SMTN: variants seen among roughly 807,000 people sequenced by gnomAD.
SMTN encodes smoothelin.
A neutral mutation model predicts 102.0 loss-of-function variants in SMTN; 58 were observed. That is an observed-to-expected ratio of 0.57 (90% CI 0.46 to 0.71). SMTN has a LOEUF of 0.71. SMTN is among the 30% of genes least tolerant of loss of function. SMTN has a pLI of 0.00. For synonymous variants in SMTN, 478 were observed against 497.9 expected (o/e 0.96, Z 0.53); for missense variants, 1,185 against 1,241.7 (o/e 0.95, Z 0.69).
At chr22:31,088,173 C>A in intron 3 of SMTN, 60 bp downstream of exon 3, 1 of 1,525,454 alleles carries the variant, frequency 6.6e-7, no homozygotes, top group South Asian at 1.3e-5. Context: ...TGGCTCAGCT[C>A]ATGTGTGCAG....
intron 11 of SMTN, chr22:31,093,360 C>T: frequency 2.8e-6 from 1 of 351,444 alleles, no homozygotes; most frequent in Non-Finnish European, 5.5e-6. Flanking sequence ...TGCCCTCGGA[C>T]CAGCTGCAAA....
rs1434186321 is a variant in SMTN, at chr22:31,091,819, C to T, written c.1604C>T (p.Pro535Leu). The T allele has an allele frequency of 3.7e-6, 6 of 1,601,036 alleles. No individual in the cohort carries two copies. The highest frequency in any genetic ancestry group is 2.3e-5 in the East Asian group (1 of 44,088). The change falls in exon 11 of 21, where the codon CCC (proline) becomes CTC (leucine). Residue 535 changes from proline (P) to leucine (L), a missense_variant. This residue lies in a region of SMTN where 1,096 missense variants were observed against 1,112.7 expected (regional missense o/e 0.98). Coordinates refer to ENST00000333137, the MANE Select transcript of SMTN (RefSeq NM_134269.3). ...THVTSFSHAP[P>L]SSRGGCSIKM... ...GTCACCAGCTTCAGCCATGCCCCCC[C>T]CAGTAGCCGAGGAGGCTGCAGCATC...
intron 1 of SMTN, among the ~76,000 whole-genome samples, chr22:31,074,844 G>A (rs907250086): frequency 3.3e-5 from 5 of 152,152 alleles, no homozygotes; most frequent in Non-Finnish European, 7.4e-5. Context: ...CACAGGTGCT[G>A]GAAGAGAGGA....
At chr22:31,088,176 G>A in intron 3 of SMTN, 63 bp downstream of exon 3, 3 of 1,523,668 alleles carry the variant, frequency 2.0e-6, no homozygotes, top group Middle Eastern at 3.5e-4. Context: ...CTCAGCTCAT[G>A]TGTGCAGGCA....
upstream of SMTN, among the ~76,000 whole-genome samples, chr22:31,081,157 T>C (rs933911098): frequency 1.5e-4 from 22 of 150,144 alleles, no homozygotes; most frequent in African/African-American, 5.4e-4. Context: ...CCGACCTCCC[T>C]GGCCCGCGAG....
intron 6 of SMTN, among the ~76,000 whole-genome samples, chr22:31,089,450 A>C (rs1190924016): frequency 6.6e-6 from 1 of 152,112 alleles, no homozygotes; most frequent in African/African-American, 2.4e-5. Flanking sequence ...ATACCCACCC[A>C]CTGACATCAG....
chr22:31,099,151 G>C lies in SMTN; in HGVS notation c.2423G>C (p.Trp808Ser). The C allele has an allele frequency of 6.2e-7, 1 of 1,612,948 alleles. No individual in the cohort carries two copies. The highest frequency in any genetic ancestry group is 1.3e-5 in the African/African-American group (1 of 75,058). ...AGCATCAAGCAGATGCTGCTGGACTGGTGTCGAGCCAAGACTCGCGGCTAC... is the reference window on the plus strand; with the variant it reads ...AGCATCAAGCAGATGCTGCTGGACTCGTGTCGAGCCAAGACTCGCGGCTAC... ...ANSIKQMLLDWCRAKTRGYEH... is the reference protein window; with the variant it reads ...ANSIKQMLLDSCRAKTRGYEH... Residue 808 changes from tryptophan (W) to serine (S), a missense_variant, in exon 18 of 21, where the codon TGG becomes TCG. By Grantham distance (177) the Trp-to-Ser change is radical (BLOSUM62 -3). Coordinates refer to ENST00000333137, the MANE Select transcript of SMTN (RefSeq NM_134269.3).
chr22:31,071,699 T>C (rs2042008114), intron 1 of SMTN, among the ~76,000 whole-genome samples: 1 of 148,266 alleles, frequency 6.7e-6, no homozygotes, highest in African/African-American at 2.5e-5. Flanking sequence ...TCTCTCTCTT[T>C]TTTTTTTTTT....
At chr22:31,081,202 A>T (rs2042283818), upstream of SMTN, 1 of 151,710 alleles carries the variant, frequency 6.6e-6, no homozygotes, top group Non-Finnish European at 1.5e-5. Context: ...TGGCCGTCAA[A>T]TTGAATTTTC....
Position 31,091,716 on chromosome 22 carries a change from A to G in SMTN, c.1501A>G (p.Thr501Ala), listed in dbSNP as rs2043147586. The change falls in exon 11 of 21, where the codon ACC becomes GCC. Residue 501 changes from threonine (T) to alanine (A), a missense_variant. By Grantham distance (58) the Thr-to-Ala change is moderately conservative (BLOSUM62 0). Coordinates refer to ENST00000333137, the MANE Select transcript of SMTN (RefSeq NM_134269.3). The part of the protein sequence containing the change: ...GLRAPPTLLS[T>A]SSGGKSTITR... The stretch of plus-strand genomic sequence containing the variant: ...GCGGGCGCCCCCGACCCTACTCAGC[A>G]CCAGTAGTGGGGGCAAGAGCACCAT... The G allele has an allele frequency of 6.2e-7, 1 of 1,612,236 alleles. No individual in the cohort carries two copies. The highest frequency in any genetic ancestry group is 8.5e-7 in the Non-Finnish European group (1 of 1,178,828).
chr22:31,099,010 C>A, intron 17 of SMTN, 52 bp from the exon 18 acceptor site: 2 of 1,566,580 alleles, frequency 1.3e-6, no homozygotes, highest in South Asian at 1.1e-5. Flanking sequence ...GTGGGCCCAC[C>A]GAGGCATGCC....
upstream of SMTN, among the ~76,000 whole-genome samples, chr22:31,078,553 A>G (rs753134533): frequency 5.3e-5 from 8 of 152,212 alleles, no homozygotes; most frequent in Non-Finnish European, 1.2e-4. Context: ...AGATACATTC[A>G]TCCTGCTCAT....
chr22:31,096,058 C>A, intron 13 of SMTN: 1 of 236,510 alleles, frequency 4.2e-6, no homozygotes, highest in African/African-American at 2.3e-5. Context: ...TAGTTCTTCC[C>A]TGGACACATC....
Position 31,098,754 on chromosome 22 carries a change from G to C in SMTN, c.2247G>C (p.Leu749=). The change falls in exon 17 of 21, where the codon CTG becomes CTC. Residue 749 remains leucine, a synonymous_variant. Coordinates refer to ENST00000333137, the MANE Select transcript of SMTN (RefSeq NM_134269.3). Reference sequence around the variant, plus strand: ...GGCAGGCCGAGAAGAAGAAAGAGCTGATGAAGGCGCAGAGTCTGCCCAAGA... The same window carrying C: ...GGCAGGCCGAGAAGAAGAAAGAGCTCATGAAGGCGCAGAGTCTGCCCAAGA... ...EKRQAEKKKE[L]MKAQSLPKTS... 1 of 1,613,338 alleles carries C rather than the reference G, an allele frequency of 6.2e-7. No individual in the cohort carries two copies. The highest frequency in any genetic ancestry group is 8.5e-7 in the Non-Finnish European group (1 of 1,179,894).
chr22:31,085,141 C>G (rs1436162185), intron 2 of SMTN: 10 of 1,535,408 alleles, frequency 6.5e-6, no homozygotes, highest in Non-Finnish European at 8.7e-6. Context: ...GGGACGCCCT[C>G]TGCCTCGGTC....
intron 10 of SMTN, 86 bp downstream of exon 10, chr22:31,091,568 CAG>C (rs2043137437): frequency 6.6e-7 from 1 of 1,508,518 alleles, no homozygotes; most frequent in African/African-American, 1.4e-5. Flanking sequence ...GGCCAGGACT[CAG>C]GGTGTCTCCA....
At chr22:31,090,313 A>G in intron 8 of SMTN, 133 bp downstream of exon 8, 1 of 680,048 alleles carries the variant, frequency 1.5e-6, no homozygotes, top group East Asian at 2.8e-5. Flanking sequence ...CTGATACTGC[A>G]CCCCACCCCT....
rs1217521047 is a variant in SMTN at position 31,088,712 on chromosome 22, G to A, written c.308G>A (p.Gly103Asp). The A allele has an allele frequency of 1.2e-6, 2 of 1,613,812 alleles. No individual in the cohort carries two copies. Among genetic ancestry groups the A allele is most frequent in the Non-Finnish European group, 1.7e-6 (2 of 1,179,850 alleles). ...EELTALLRSA[G>D]EYEERKLIRA... Reference sequence around the variant, plus strand: ...TCTTACCCACAGTTGCGAAGCGCTGGTGAGTATGAGGAGCGCAAGCTGATC... The same window carrying A: ...TCTTACCCACAGTTGCGAAGCGCTGATGAGTATGAGGAGCGCAAGCTGATC... The change falls in exon 5 of 21, where the codon GGT becomes GAT. Residue 103 changes from glycine (G) to aspartate (D), a missense_variant. Gly to Asp is a moderately conservative substitution (Grantham distance 94). Coordinates refer to ENST00000333137, the MANE Select transcript of SMTN (RefSeq NM_134269.3).
Position 31,099,762 on chromosome 22 carries a change from C to T in SMTN, c.2469C>T (p.Asn823=). 6.2e-7 allele frequency: 1 copy of T among 1,614,072 alleles called. No homozygotes were observed. The highest frequency in any genetic ancestry group is 8.5e-7 in the Non-Finnish European group (1 of 1,179,942). ...TRGYEHVDIQ[N]FSSSWSDGMA... ...GCTTATAGCACGTCGACATCCAGAA[C>T]TTCTCCTCCAGCTGGAGTGATGGGA... The change falls in exon 19 of 21, where the codon AAC becomes AAT. Residue 823 remains asparagine (N), a synonymous_variant. Transcript: ENST00000333137.
Sources: allele counts gnomAD v4.1 joint callset (sites outside exome capture counted in the v4.1 genomes callset), GRCh38; gene constraint gnomAD v4.1.1; regional missense constraint gnomAD v4.1.1; transcripts MANE v1.5; gene names NCBI Gene and HGNC (gene_info 2026-07-23, HGNC 2026-07-21).